The following RBM12 variants were observed in gnomAD, a reference collection of about 807,000 sequenced individuals.
RBM12 encodes the protein RNA binding motif protein 12.
RBM12 carries 24 observed loss-of-function variants against 37.2 expected under a neutral mutation model. The ratio of observed to expected loss-of-function variants is 0.65; its 90% CI spans 0.47 to 0.91. The LOEUF is 0.91. Among genes scored for constraint, RBM12 ranks in the 40% least tolerant of loss-of-function variants. RBM12 has a pLI of 0.00. For synonymous variants in RBM12, 420 were observed against 425.2 expected, an observed-to-expected ratio of 0.99 and a Z score of 0.15; for missense variants, 1,061 against 1,183.2, an observed-to-expected ratio of 0.90 and a Z score of 1.52.
chr20:35,654,598 G>A lies in RBM12; in HGVS notation c.725C>T (p.Ser242Leu), dbSNP rs2033773786. 7.4e-6 allele frequency: 12 copies of A among 1,614,172 alleles called. No homozygotes were observed. Among genetic ancestry groups the A allele is most frequent in the Non-Finnish European group, 9.3e-6 (11 of 1,180,036 alleles). ...TGGCGGATTCAAGGGCGGCATGCCC[G>A]ACATGGGTGGCAGTGGGGTCATGGG... ...VPPMTPLPPM[S>L]GMPPLNPPPV... The change falls in exon 3 of 3, where the codon TCG (serine) becomes TTG (leucine). Residue 242 changes from serine (S) to leucine (L), a missense_variant. Physicochemically the swap from Ser to Leu is moderately radical, Grantham distance 145. Transcript: ENST00000374114.
chr20:35,656,337 G>C (rs1160992347), intron 2 of RBM12, among the ~76,000 whole-genome samples: 1 of 152,142 alleles, frequency 6.6e-6, no homozygotes, highest in Non-Finnish European at 1.5e-5. Context: ...GATCATGCCT[G>C]TTTTGACATA....
chr20:35,661,123 C>A lies in RBM12; in HGVS notation c.-107-2109G>T, dbSNP rs778036104. On this transcript the variant is annotated intron_variant, in intron 1 of 2. Coordinates refer to ENST00000374114, the MANE Select transcript of RBM12 (RefSeq NM_006047.6). ...AGCAAAGAGGAATACCCACCCCACC[C>A]CATACCAAGGAAAACCATGCAGAAA... Among the ~76,000 whole-genome samples the A allele has an allele frequency of 1.9e-4, 29 of 152,184 alleles. 1 individual carries two copies. The highest frequency in any genetic ancestry group is 1.8e-3 in the Admixed American group (28 of 15,280).
chr20:35,661,796 A>G (rs2034244141), intron 1 of RBM12, among the ~76,000 whole-genome samples: 2 of 152,236 alleles, frequency 1.3e-5, no homozygotes, highest in Admixed American at 1.3e-4. Context: ...TTCACTCTTC[A>G]TCTGGTAGTA....
In RBM12 at chr20:35,650,768, C is replaced by T. The variant is rs1018770032; in HGVS notation, c.*1756G>A. The stretch of plus-strand genomic sequence containing the variant: ...AAATCTTATCAAATGAAACTGTTGC[C>T]ACTCTTAAATTACACAACCGCTGTA... On this transcript the variant is annotated 3_prime_UTR_variant, in exon 3 of 3. Coordinates refer to ENST00000374114, the MANE Select transcript of RBM12 (RefSeq NM_006047.6). 1 of 152,532 alleles carries T rather than the reference C, an allele frequency of 6.6e-6. No homozygotes were observed. Among genetic ancestry groups the T allele is most frequent in the Non-Finnish European group, 1.5e-5 (1 of 68,014 alleles). The allele number at this position is 152,532 out of a possible 1,614,324, so 9.4% of individuals were successfully genotyped here.
chr20:35,652,456 G>A lies in RBM12; in HGVS notation c.*68C>T, dbSNP rs6121011. 6.6e-7 allele frequency: 1 copy of A among 1,509,182 alleles called. No homozygotes were observed. Among genetic ancestry groups the A allele is most frequent in the Non-Finnish European group, 8.9e-7 (1 of 1,122,740 alleles). The allele number at this position is 1,509,182 out of a possible 1,614,324, so 93.5% of individuals were successfully genotyped here. A position where few individuals can be genotyped will look rare whatever the true frequency, so the allele number is the denominator to read the frequency against. On this transcript the variant is annotated 3_prime_UTR_variant, in exon 3 of 3. Coordinates refer to ENST00000374114, the MANE Select transcript of RBM12 (RefSeq NM_006047.6). Reference sequence around the variant, plus strand: ...CACAGGTTCTAACCTGGAAATACTAGGAAAACAATCTGGATGCATTAATCA... The same window carrying A: ...CACAGGTTCTAACCTGGAAATACTAAGAAAACAATCTGGATGCATTAATCA...
intron 1 of RBM12, among the ~76,000 whole-genome samples, chr20:35,659,390 C>T (rs2034104850): frequency 6.6e-6 from 1 of 152,176 alleles, no homozygotes; most frequent in African/African-American, 2.4e-5. Context: ...CAGGTTCTCA[C>T]CAAATTTGTG....
intron 1 of RBM12, among the ~76,000 whole-genome samples, chr20:35,663,753 G>A (rs1465170446): frequency 6.6e-6 from 1 of 152,128 alleles, no homozygotes; most frequent in Non-Finnish European, 1.5e-5. Flanking sequence ...CAAAAAGCCC[G>A]TACGTTTACA....
chr20:35,649,065 T>C lies in RBM12; in HGVS notation c.*3459A>G, dbSNP rs6060536. ...ATTTGCTGGCAATGTTGTGGCCATATTGGCAACAAGCCATTTTGTTGTGTT... is the reference window on the plus strand; with the variant it reads ...ATTTGCTGGCAATGTTGTGGCCATACTGGCAACAAGCCATTTTGTTGTGTT... On this transcript the variant is annotated 3_prime_UTR_variant, in exon 3 of 3. Coordinates refer to ENST00000374114, the MANE Select transcript of RBM12 (RefSeq NM_006047.6). 0.068 allele frequency: 10,321 copies of C among 152,730 alleles called. 428 individuals carry two copies. Among genetic ancestry groups the C allele is most frequent in the South Asian group, 0.18 (875 of 4,830 alleles). 9.5% of individuals were successfully genotyped at this position (152,730 alleles called of 1,614,324 possible).
rs1364615187 is a variant in RBM12, at chr20:35,653,065, C to A, written c.2258G>T (p.Gly753Val). The A allele has an allele frequency of 6.2e-7, 1 of 1,613,948 alleles. No homozygotes were observed. The highest frequency in any genetic ancestry group is 1.7e-5 in the Admixed American group (1 of 60,032). ...GGGAFGDARP[G>V]MPSVGNSGLP... ...ACCACTGTTTCCAACTGAAGGCATA[C>A]CAGGCCTAGCATCACCAAAGGCCCC... is the stretch of plus-strand genomic sequence containing the variant. The change falls in exon 3 of 3, where the codon GGT (glycine) becomes GTT (valine). Residue 753 changes from glycine to valine, a missense_variant. Physicochemically the swap from Gly to Val is moderately radical, Grantham distance 109. This residue lies in a region of RBM12 where 517 missense variants were observed against 534.0 expected (regional missense o/e 0.97). Coordinates refer to ENST00000374114, the MANE Select transcript of RBM12 (RefSeq NM_006047.6).
chr20:35,659,839 CATT>C (rs2034130161), intron 1 of RBM12, among the ~76,000 whole-genome samples: 1 of 152,026 alleles, frequency 6.6e-6, no homozygotes, highest in Non-Finnish European at 1.5e-5. Context: ...ATTCAAAGGT[CATT>C]TTTTGCTTTT....
At position 35,653,275 on chromosome 20, in the gene RBM12, G is replaced by A; in HGVS notation, c.2048C>T (p.Thr683Ile). The change falls in exon 3 of 3, where the codon ACC becomes ATC. Residue 683 changes from threonine (T) to isoleucine (I), a missense_variant. Transcript: ENST00000374114. The part of the protein sequence containing the change: ...PSTGLPGSAI[T>I]SAGLPGAGMP... ...TCCCGCACCAGGCAGTCCTGCACTG[G>A]TTATTGCTGAACCAGGCAGTCCTGT... is the stretch of plus-strand genomic sequence containing the variant. 6.2e-7 allele frequency: 1 copy of A among 1,613,666 alleles called. No individual in the cohort carries two copies. Among genetic ancestry groups the A allele is most frequent in the South Asian group, 1.1e-5 (1 of 91,046 alleles).
chr20:35,661,189 T>C (rs2034213647), intron 1 of RBM12, among the ~76,000 whole-genome samples: 1 of 152,236 alleles, frequency 6.6e-6, no homozygotes, highest in Non-Finnish European at 1.5e-5. Context: ...CTTGGTATTA[T>C]ACCTCTTCAA....
At position 35,652,731 on chromosome 20, in the gene RBM12, G is replaced by A. The variant is rs6121014; in HGVS notation, c.2592C>T (p.Pro864=). Residue 864 remains proline (P), a synonymous_variant, in exon 3 of 3, where the codon CCC becomes CCT. Coordinates refer to ENST00000374114, the MANE Select transcript of RBM12 (RefSeq NM_006047.6). ...AAATCTCATCAATAGACACAGTAAAGGGCATGTTTTGCACTTTAATTACTG... is the reference window on the plus strand; with the variant it reads ...AAATCTCATCAATAGACACAGTAAAAGGCATGTTTTGCACTTTAATTACTG... ...GPTVIKVQNM[P]FTVSIDEILD... is the part of the protein sequence containing the mutation. 1 of 1,613,868 alleles carries A rather than the reference G, an allele frequency of 6.2e-7. No individual in the cohort carries two copies. Among genetic ancestry groups the A allele is most frequent in the East Asian group, 2.2e-5 (1 of 44,884 alleles).
chr20:35,658,792 A>G, intron 2 of RBM12, 138 bp downstream of exon 2: 2 of 553,946 alleles, frequency 3.6e-6, no homozygotes, highest in Non-Finnish European at 6.4e-6. Flanking sequence ...ACAAAAAACA[A>G]GCAAACAAAA....
In RBM12 at chr20:35,655,137, A is replaced by G. The variant is rs1045607977; in HGVS notation, c.186T>C (p.Gly62=). The stretch of plus-strand genomic sequence containing the variant: ...GTGTTACTTTTGACCCTTTAATTGT[A>G]CCACCTGTGCGCATCATACCAAGCC... ...DARLGMMRTG[G]TIKGSKVTLL... Residue 62 remains glycine (G), a synonymous_variant, in exon 3 of 3, where the codon GGT becomes GGC. Coordinates refer to ENST00000374114, the MANE Select transcript of RBM12 (RefSeq NM_006047.6). 1 of 1,614,160 alleles carries G rather than the reference A, an allele frequency of 6.2e-7. No individual in the cohort carries two copies. The highest frequency in any genetic ancestry group is 1.3e-5 in the African/African-American group (1 of 75,030).
chr20:35,652,714 T>C lies in RBM12; in HGVS notation c.2609A>G (p.Asp870Gly), dbSNP rs2033605170. 6.2e-7 allele frequency: 1 copy of C among 1,614,006 alleles called. No individual in the cohort carries two copies. ...VQNMPFTVSI[D>G]EILDFFYGYQ... ...GCCATAAAAGAAATCTAAAATCTCA[T>C]CAATAGACACAGTAAAGGGCATGTT... Residue 870 changes from aspartate (D) to glycine (G), a missense_variant, in exon 3 of 3, where the codon GAT becomes GGT. Asp to Gly is a moderately conservative substitution (Grantham distance 94). Coordinates refer to ENST00000374114, the MANE Select transcript of RBM12 (RefSeq NM_006047.6).
rs768262198 is a variant in RBM12 at position 35,653,201 on chromosome 20, G to A, written c.2122C>T (p.Leu708=). The A allele has an allele frequency of 3.7e-6, 6 of 1,613,372 alleles. No homozygotes were observed. Among genetic ancestry groups the A allele is most frequent in the African/African-American group, 1.3e-5 (1 of 74,942 alleles). ...TTGGCTTCCTTTGATCCTACAGTCAGGAAGGCATGCTCTTCACCTCCTGCA... is the reference window on the plus strand; with the variant it reads ...TTGGCTTCCTTTGATCCTACAGTCAAGAAGGCATGCTCTTCACCTCCTGCA... ...PSAGGEEHAF[L]TVGSKEANNG... The change falls in exon 3 of 3, where the codon CTG becomes TTG. Residue 708 remains leucine, a synonymous_variant. Coordinates refer to ENST00000374114, the MANE Select transcript of RBM12 (RefSeq NM_006047.6).
intron 2 of RBM12, among the ~76,000 whole-genome samples, chr20:35,658,069 CAAAT>C (rs1198634986): frequency 6.6e-6 from 1 of 151,028 alleles, no homozygotes; most frequent in African/African-American, 2.4e-5. Context: ...ATAAATAAAA[CAAAT>C]AAAAATTTAA....
At chr20:35,664,726 A>G (rs2034448056) in intron 1 of RBM12, 34 bp downstream of exon 1, 2 of 152,420 alleles carry the variant, frequency 1.3e-5, no homozygotes, top group African/African-American at 2.4e-5. Flanking sequence ...AGCCCCGCAC[A>G]GCCCCACCCG....
Sources: gnomAD v4.1 joint callset for allele counts (sites outside exome capture counted in the v4.1 genomes callset) on GRCh38, gnomAD v4.1.1 for gene constraint, gnomAD v4.1.1 regional missense constraint, MANE v1.5 for transcripts, NCBI Gene and HGNC (gene_info 2026-07-23, HGNC 2026-07-21) for gene names.